The following CDH4 variants were observed in gnomAD, a reference collection of about 807,000 sequenced individuals.
CDH4 encodes the protein cadherin 4, also known as cadherin-4.
CDH4 carries 33 observed loss-of-function variants against 86.0 expected under a neutral mutation model. The ratio of observed to expected loss-of-function variants is 0.38; its 90% CI spans 0.29 to 0.51. CDH4 has a LOEUF of 0.51. CDH4 is among the 20% of genes least tolerant of loss of function. CDH4 has a pLI of 0.86. For synonymous variants in CDH4, 555 were observed against 549.4 expected (o/e 1.01, Z -0.14); for missense variants, 1,114 against 1,307.4 (o/e 0.85, Z 2.28).
intron 2 of CDH4, among the ~76,000 whole-genome samples, chr20:61,466,131 GC>G (rs2085470387): frequency 6.6e-6 from 1 of 152,160 alleles, no homozygotes; most frequent in Non-Finnish European, 1.5e-5. Context: ...TCTCACTGTG[GC>G]TGCCCTTGTA....
In CDH4 at chr20:61,811,972, G is replaced by C. The variant is rs1013102662; in HGVS notation, c.577-32696G>C. On this transcript the variant is annotated intron_variant, in intron 4 of 15. Coordinates refer to ENST00000614565, the MANE Select transcript of CDH4 (RefSeq NM_001794.5). This position sits in a 1 kb window ranked among gnomAD's most constrained non-coding sequence, Gnocchi z 4.4. ...TAGGCATGAGCCACTGCACCTAGCC[G>C]CCTGCTGTCCTTCAGACTCCCCGCC... 4.6e-5 allele frequency among the ~76,000 whole-genome samples: 7 copies of C among 152,196 alleles called. No homozygotes were observed. Among genetic ancestry groups the C allele is most frequent in the Middle Eastern group, 3.4e-3 (1 of 294 alleles).
At chr20:61,661,280 A>T (rs2087254618) in intron 2 of CDH4, among the ~76,000 whole-genome samples, 1 of 152,184 alleles carries the variant, frequency 6.6e-6, no homozygotes, top group Non-Finnish European at 1.5e-5. Context: ...CCACCTCTGC[A>T]GGGCCAGCTC....
intron 2 of CDH4, 152 bp downstream of exon 2, chr20:61,255,089 A>G (rs2084091426): frequency 1.6e-6 from 1 of 615,884 alleles, no homozygotes; most frequent in Admixed American, 2.7e-5. Context: ...GTTGACCTGA[A>G]AGGCGTTTTG....
intron 2 of CDH4, among the ~76,000 whole-genome samples, chr20:61,641,575 A>C (rs1464918371): frequency 1.3e-5 from 2 of 152,174 alleles, no homozygotes; most frequent in Non-Finnish European, 2.9e-5. Context: ...GGTGTCCAGA[A>C]AGCCCTGATC....
intron 2 of CDH4, among the ~76,000 whole-genome samples, chr20:61,505,847 C>T (rs962830148): frequency 6.9e-6 from 1 of 145,964 alleles, no homozygotes; most frequent in African/African-American, 2.4e-5. Flanking sequence ...TTGGTTGCCC[C>T]ACAGTATATG....
chr20:61,786,371 G>T (rs879309383), intron 4 of CDH4, among the ~76,000 whole-genome samples: 1 of 152,128 alleles, frequency 6.6e-6, no homozygotes, highest in Non-Finnish European at 1.5e-5. Flanking sequence ...TCGCCCGGCA[G>T]CCAGACACAG....
At chr20:61,295,962 G>A (rs545965138) in intron 2 of CDH4, among the ~76,000 whole-genome samples, 5 of 152,202 alleles carry the variant, frequency 3.3e-5, no homozygotes, top group East Asian at 1.9e-4. Context: ...CGCGGAGGCC[G>A]TGGGAACACG....
chr20:61,494,283 C>G (rs1319987922), intron 2 of CDH4, among the ~76,000 whole-genome samples: 1 of 152,240 alleles, frequency 6.6e-6, no homozygotes, highest in African/African-American at 2.4e-5. Context: ...AGACCCCCAC[C>G]TCTGCTCGTG....
chr20:61,577,842 G>C (rs1056856051), intron 2 of CDH4, among the ~76,000 whole-genome samples: 12 of 152,152 alleles, frequency 7.9e-5, no homozygotes, highest in Non-Finnish European at 1.6e-4. Flanking sequence ...GAACATTTCT[G>C]ATCCCTGGCT....
intron 2 of CDH4, among the ~76,000 whole-genome samples, chr20:61,565,851 C>G (rs2086293475): frequency 6.6e-6 from 1 of 152,196 alleles, no homozygotes; most frequent in South Asian, 2.1e-4. Flanking sequence ...TGGACGCTGT[C>G]ATGAGGTTGC....
intron 4 of CDH4, among the ~76,000 whole-genome samples, chr20:61,776,111 G>A (rs2088839378): frequency 6.6e-6 from 1 of 152,174 alleles, no homozygotes; most frequent in Non-Finnish European, 1.5e-5. Context: ...GGTAAGGATG[G>A]GCCCAGTTGT....
chr20:61,655,784 T>G (rs764173770), intron 2 of CDH4, among the ~76,000 whole-genome samples: 1 of 152,364 alleles, frequency 6.6e-6, no homozygotes. Flanking sequence ...CAAGTCCCTG[T>G]CCTCAGGGAC....
intron 2 of CDH4, among the ~76,000 whole-genome samples, chr20:61,735,204 G>A (rs1441291369): frequency 6.6e-6 from 1 of 152,152 alleles, no homozygotes; most frequent in East Asian, 1.9e-4. Context: ...TTGGGGCCCC[G>A]TGGGCACAGA....
chr20:61,645,898 T>C (rs1469240972), intron 2 of CDH4, among the ~76,000 whole-genome samples: 1 of 152,008 alleles, frequency 6.6e-6, no homozygotes, highest in Non-Finnish European at 1.5e-5. Context: ...CCCCCTCTTA[T>C]AAGGTGGAGG....
chr20:61,798,016 C>T (rs1244478893), intron 4 of CDH4, among the ~76,000 whole-genome samples: 1 of 152,170 alleles, frequency 6.6e-6, no homozygotes, highest in East Asian at 1.9e-4. Context: ...GGAAAAGCAC[C>T]ACTCCGGGGT....
At chr20:61,282,332 C>G (rs1339378254) in intron 2 of CDH4, among the ~76,000 whole-genome samples, 2 of 152,186 alleles carry the variant, frequency 1.3e-5, no homozygotes, top group African/African-American at 4.8e-5. Context: ...GCACTCCAGC[C>G]TGGGAGACAG....
chr20:61,894,818 G>A (rs372825954), intron 7 of CDH4, 92 bp from the exon 8 acceptor site: 47 of 1,416,096 alleles, frequency 3.3e-5, no homozygotes, highest in East Asian at 1.4e-4. Flanking sequence ...CAGGAACTCC[G>A]TTCCTGTAAA....
chr20:61,620,463 TGATG>T (rs1568717193), intron 2 of CDH4, among the ~76,000 whole-genome samples: 1 of 151,642 alleles, frequency 6.6e-6, no homozygotes, highest in African/African-American at 2.4e-5. Flanking sequence ...GATTGATAGA[TGATG>T]GATGGATAGA....
chr20:61,598,063 G>A (rs778406333), intron 2 of CDH4, among the ~76,000 whole-genome samples: 12 of 152,258 alleles, frequency 7.9e-5, no homozygotes, highest in South Asian at 2.1e-4. Context: ...TCCCACCTCC[G>A]TCTCAGTGAA....
Sources: gnomAD v4.1 joint callset for allele counts (sites outside exome capture counted in the v4.1 genomes callset) on GRCh38, gnomAD v4.1.1 for gene constraint, Gnocchi (gnomAD v3.1) non-coding constraint, MANE v1.5 for transcripts, NCBI Gene and HGNC (gene_info 2026-07-23, HGNC 2026-07-21) for gene names.